Variants in CHD7 observed in about 807,000 individuals in gnomAD.
The protein encoded by CHD7 is chromodomain helicase DNA binding protein 7, also known as ATP-dependent chromatin remodeler CHD7.
CHD7 carries 24 observed loss-of-function variants against 307.3 expected under a neutral mutation model. The ratio of observed to expected loss-of-function variants is 0.08; its 90% CI spans 0.06 to 0.11. CHD7 has a LOEUF of 0.11. Among genes scored for constraint, CHD7 ranks in the 10% least tolerant of loss-of-function variants. The pLI, the probability that CHD7 is intolerant of heterozygous loss-of-function variation, is 1.00. For missense variants in CHD7, 3,106 were observed against 3,727.1 expected (o/e 0.83, Z 4.34); for synonymous variants, 1,363 against 1,349.9 (o/e 1.01, Z -0.21).
intron 6 of CHD7, among the ~76,000 whole-genome samples, chr8:60,806,595 T>C (rs916704369): frequency 2.0e-4 from 30 of 152,356 alleles, no homozygotes; most frequent in Middle Eastern, 3.4e-3. Context: ...TAGTGCTTTA[T>C]AGTTATTACG....
Position 60,781,005 on chromosome 8 carries a change from C to T in CHD7, c.1671C>T (p.Ser557=), listed in dbSNP as rs1811190654. The change falls in exon 3 of 38, where the codon TCC becomes TCT. Residue 557 remains serine, a synonymous_variant. Coordinates refer to ENST00000423902, the MANE Select transcript of CHD7 (RefSeq NM_017780.4). ...TPQKVPVHQH[S]PSEPFLEKPV... Reference sequence around the variant, plus strand: ...TTCCTATTTGTGTCTCTCAGCATTCCCCGTCGGAGCCCTTTCTAGAGAAAC... The same window carrying T: ...TTCCTATTTGTGTCTCTCAGCATTCTCCGTCGGAGCCCTTTCTAGAGAAAC... The T allele has an allele frequency of 6.5e-7, 1 of 1,547,224 alleles. No homozygotes were observed. The highest frequency in any genetic ancestry group is 2.3e-5 in the East Asian group (1 of 43,980).
chr8:60,712,639 G>A (rs1019069297), intron 1 of CHD7, among the ~76,000 whole-genome samples: 10 of 152,200 alleles, frequency 6.6e-5, no homozygotes, highest in Non-Finnish European at 1.5e-4. Context: ...GAAGCTGGCC[G>A]GGTGCAGTGG....
chr8:60,712,562 T>C (rs142695160), intron 1 of CHD7, among the ~76,000 whole-genome samples: 9 of 152,322 alleles, frequency 5.9e-5, no homozygotes, highest in African/African-American at 1.9e-4. Context: ...TCCTGTATTA[T>C]TTAGCAGCAA....
chr8:60,725,092 C>T (rs115730256), intron 1 of CHD7, among the ~76,000 whole-genome samples: 305 of 152,290 alleles, frequency 2.0e-3, no homozygotes, highest in African/African-American at 7.1e-3. Flanking sequence ...CTAGTCACAG[C>T]GATAAGCCCT....
At chr8:60,744,009 G>C (rs991109902) in intron 2 of CHD7, among the ~76,000 whole-genome samples, 9 of 152,186 alleles carry the variant, frequency 5.9e-5, no homozygotes, top group African/African-American at 2.2e-4. Context: ...AATAAGACTT[G>C]CATGTGAAAA....
rs188789552 is a variant in CHD7 at position 60,753,574 on chromosome 8, A to G, written c.1665+10477A>G. Among the ~76,000 whole-genome samples, 11 of 152,240 alleles carry G rather than the reference A, an allele frequency of 7.2e-5. No homozygotes were observed. In the East Asian group the frequency reaches 2.1e-3, roughly 29 times the overall value. Reference sequence around the variant, plus strand: ...ACAGTAAGAGACTAGCCATTCATAGAATAAAAATGAGCCCAATAATAAGAT... The same window carrying G: ...ACAGTAAGAGACTAGCCATTCATAGGATAAAAATGAGCCCAATAATAAGAT... On this transcript the variant is annotated intron_variant, in intron 2 of 37. Transcript: ENST00000423902.
chr8:60,792,753 G>A (rs968040100), intron 3 of CHD7, among the ~76,000 whole-genome samples: 2 of 152,224 alleles, frequency 1.3e-5, no homozygotes, highest in East Asian at 1.9e-4. Context: ...TGCAGGGCCT[G>A]GCAGCCCTCT....
Position 60,865,126 on chromosome 8 carries a change from C to CGTG in CHD7, c.8188_8189insTGG (p.Ala2729_Ala2730insVal). 6.2e-7 allele frequency: 1 copy of CGTG among 1,610,462 alleles called. No homozygotes were observed. Among genetic ancestry groups the CGTG allele is most frequent in the East Asian group, 2.2e-5 (1 of 44,764 alleles). On this transcript the variant is annotated inframe_insertion, in exon 38 of 38. Coordinates refer to ENST00000423902, the MANE Select transcript of CHD7 (RefSeq NM_017780.4). The surrounding 1 kb of genome is among the most constrained non-coding windows in gnomAD (Gnocchi z 4.3). ...CCAAAAGTGAGATCGCCAGAGCAGCCGCGGCCGCCGCTGCTGTGGCCTCCA... is the reference window on the plus strand; with the variant it reads ...CCAAAAGTGAGATCGCCAGAGCAGCCGTGGCGGCCGCCGCTGCTGTGGCCTCCA...
chr8:60,795,561 A>AT (rs1811984572), intron 4 of CHD7, among the ~76,000 whole-genome samples: 1 of 152,256 alleles, frequency 6.6e-6, no homozygotes, highest in Admixed American at 6.5e-5. Context: ...AGTTTCTGAC[A>AT]TCTGGCACTC....
chr8:60,805,520 G>A (rs542467091), intron 6 of CHD7, among the ~76,000 whole-genome samples: 6 of 152,306 alleles, frequency 3.9e-5, no homozygotes, highest in African/African-American at 1.4e-4. Context: ...CATCTTCACA[G>A]CAGGTTCCCA....
rs1402410171 is a variant in CHD7 at position 60,781,010 on chromosome 8, C to T, written c.1676C>T (p.Ser559Leu). 5 of 1,558,950 alleles carry T rather than the reference C, an allele frequency of 3.2e-6. No homozygotes were observed. The highest frequency in any genetic ancestry group is 1.7e-4 in the Middle Eastern group (1 of 5,782). Residue 559 changes from serine (S) to leucine (L), a missense_variant, in exon 3 of 38, where the codon TCG (serine) becomes TTG (leucine). Physicochemically the swap from Ser to Leu is moderately radical, Grantham distance 145 (BLOSUM62 -2). Coordinates refer to ENST00000423902, the MANE Select transcript of CHD7 (RefSeq NM_017780.4). ...QKVPVHQHSP[S>L]EPFLEKPVPD... is the part of the protein sequence containing the mutation. ...ATTTGTGTCTCTCAGCATTCCCCGT[C>T]GGAGCCCTTTCTAGAGAAACCAGTG...
chr8:60,749,705 GC>G (rs1367770819), intron 2 of CHD7, among the ~76,000 whole-genome samples: 3 of 152,118 alleles, frequency 2.0e-5, no homozygotes, highest in Non-Finnish European at 2.9e-5. Flanking sequence ...GGAGCAGGTT[GC>G]CCCATCTGGT....
chr8:60,773,256 C>T (rs1810798586), intron 2 of CHD7, among the ~76,000 whole-genome samples: 1 of 152,134 alleles, frequency 6.6e-6, no homozygotes, highest in African/African-American at 2.4e-5. Context: ...TTTGTTTCTT[C>T]CCTGCCCAGA....
chr8:60,815,359 T>G (rs891856452), intron 7 of CHD7, among the ~76,000 whole-genome samples: 10 of 152,218 alleles, frequency 6.6e-5, no homozygotes, highest in African/African-American at 2.2e-4. Context: ...AGTACTAGTA[T>G]GTTGATTCTG....
rs943215762 is a variant in CHD7 at position 60,795,086 on chromosome 8, C to A, written c.2197C>A (p.Pro733Thr). The change falls in exon 4 of 38, where the codon CCA (proline) becomes ACA (threonine). Residue 733 changes from proline (P) to threonine (T), a missense_variant. This residue lies in a region of CHD7 where 998 missense variants were observed against 1,004.5 expected (regional missense o/e 0.99). Coordinates refer to ENST00000423902, the MANE Select transcript of CHD7 (RefSeq NM_017780.4). ...ENSDLDKTPP[P>T]SPPPEEDEDP... is the part of the protein sequence containing the mutation. ...TTCAGACTTAGACAAAACACCCCCA[C>A]CATCTCCTCCTCCTGAAGAAGATGA... 6.2e-7 allele frequency: 1 copy of A among 1,613,846 alleles called. No individual in the cohort carries two copies.
intron 1 of CHD7, among the ~76,000 whole-genome samples, chr8:60,717,025 C>T (rs1391953170): frequency 4.5e-5 from 6 of 132,728 alleles, no homozygotes; most frequent in African/African-American, 8.2e-5. Flanking sequence ...GTTACATCTA[C>T]CTTAAGCCTT....
rs1263224607 is a variant in CHD7, at chr8:60,830,029, CAG to C, written c.3523-291_3523-290del. Among the ~76,000 whole-genome samples, 6 of 152,168 alleles carry C rather than the reference CAG, an allele frequency of 3.9e-5. No homozygotes were observed. The East Asian group carries it at 1.2e-3, about 29-fold the overall frequency. ...TATCTTCCCTATGGCTTAGGACAAA[CAG>C]AAGGGAAAGCTACATGAATCAGTTG... On this transcript the variant is annotated intron_variant, in intron 14 of 37. Coordinates refer to ENST00000423902, the MANE Select transcript of CHD7 (RefSeq NM_017780.4).
chr8:60,853,223 G>T lies in CHD7; in HGVS notation c.6498G>T (p.Arg2166Ser). The T allele has an allele frequency of 6.2e-7, 1 of 1,613,886 alleles. No individual in the cohort carries two copies. Among genetic ancestry groups the T allele is most frequent in the Non-Finnish European group, 8.5e-7 (1 of 1,179,874 alleles). ...VISSAHIQDE[R>S]VLEQAEGKVE... ...CATCTGCTCATATTCAAGATGAGAG[G>T]GTACTGGAACAAGCCGAAGGCAAAG... is the stretch of plus-strand genomic sequence containing the variant. The change falls in exon 31 of 38, where the codon AGG (arginine) becomes AGT (serine). Residue 2166 changes from arginine to serine, a missense_variant. Arg to Ser is a moderately radical substitution (Grantham distance 110). Transcript: ENST00000423902.
chr8:60,688,419 A>G (rs1806024871), intron 1 of CHD7, among the ~76,000 whole-genome samples: 1 of 152,200 alleles, frequency 6.6e-6, no homozygotes, highest in Non-Finnish European at 1.5e-5. Context: ...CTTTTGTTTT[A>G]AAAAGTCCCT....
Sources: allele counts gnomAD v4.1 joint callset (sites outside exome capture counted in the v4.1 genomes callset), GRCh38; gene constraint gnomAD v4.1.1; regional missense constraint gnomAD v4.1.1; non-coding constraint Gnocchi (gnomAD v3.1); transcripts MANE v1.5; gene names NCBI Gene and HGNC (gene_info 2026-07-23, HGNC 2026-07-21).